The following TNRC18 variants were observed in gnomAD, a reference collection of about 807,000 sequenced individuals.
TNRC18 encodes the protein trinucleotide repeat containing 18, also known as trinucleotide repeat-containing gene 18 protein.
Under a neutral mutation model 226.7 loss-of-function variants are expected in TNRC18, and 69 were observed. That is an observed-to-expected ratio of 0.30 (90% CI 0.25 to 0.37). The LOEUF (loss-of-function observed/expected upper bound fraction) is 0.37. Among genes scored for constraint, TNRC18 ranks in the 10% least tolerant of loss-of-function variants. The pLI, the probability that TNRC18 is intolerant of heterozygous loss-of-function variation, is 1.00. For synonymous variants in TNRC18, 2,449 were observed against 1,927.6 expected (o/e 1.27, Z -7.09); for missense variants, 4,754 against 4,256.6 (o/e 1.12, Z -3.25).
rs750296089 is a variant in TNRC18 at position 5,320,421 on chromosome 7, G to A, written c.6642C>T (p.Ile2214=). The A allele has an allele frequency of 6.4e-6, 10 of 1,561,372 alleles. No individual in the cohort carries two copies. In the Admixed American group the frequency reaches 7.7e-5, roughly 12 times the overall value. ...AGCGAGTGGAGGCTGGCCTCACATC[G>A]ATGATCTAGAAGGGCATGGGATGAG... is the stretch of plus-strand genomic sequence containing the variant. ...CLEQLLQEAI[I]DVRPASTRFL... is the part of the protein sequence containing the mutation. The change falls in exon 24 of 30, where the codon ATC becomes ATT. Residue 2214 remains isoleucine, a synonymous_variant. Transcript: ENST00000430969.
chr7:5,361,993 A>G lies in TNRC18; in HGVS notation c.4436T>C (p.Leu1479Pro), dbSNP rs1240172957. The change falls in exon 13 of 30, where the codon CTG (leucine) becomes CCG (proline). Residue 1479 changes from leucine (L) to proline (P), a missense_variant. Coordinates refer to ENST00000430969, the MANE Select transcript of TNRC18 (RefSeq NM_001080495.3). Reference protein sequence around the residue: ...MKSSLEDMDALELDFRMRLAE... With the variant: ...MKSSLEDMDAPELDFRMRLAE... ...CAGCCGCATCCGGAAGTCCAGCTCC[A>G]GGGCGTCCATGTCCTCCAGGGAGGA... 6.2e-7 allele frequency: 1 copy of G among 1,613,548 alleles called. No individual in the cohort carries two copies. The highest frequency in any genetic ancestry group is 1.7e-5 in the Admixed American group (1 of 59,980).
intron 5 of TNRC18, among the ~76,000 whole-genome samples, chr7:5,382,895 T>C (rs1388514140): frequency 2.0e-5 from 3 of 151,902 alleles, no homozygotes; most frequent in Admixed American, 6.6e-5. Flanking sequence ...ACGGCAACGA[T>C]TGCTTTCTAT....
intron 4 of TNRC18, 135 bp from the exon 5 acceptor site, chr7:5,389,471 T>TTTTTTTTTTTTTGTC: frequency 1.1e-6 from 1 of 923,912 alleles, no homozygotes; most frequent in Non-Finnish European, 1.4e-6. Context: ...GTTTTTTTTT[T>TTTTTTTTTTTTTGTC]CAGAAAGAGT....
chr7:5,364,916 A>G (rs975139566), intron 11 of TNRC18, among the ~76,000 whole-genome samples: 4 of 151,840 alleles, frequency 2.6e-5, no homozygotes, highest in South Asian at 2.1e-4. Context: ...CTACCTCCTC[A>G]TTATGAGCTT....
chr7:5,318,102 C>A (rs1016285218), intron 24 of TNRC18, among the ~76,000 whole-genome samples: 2 of 152,118 alleles, frequency 1.3e-5, no homozygotes, highest in African/African-American at 4.8e-5. Flanking sequence ...AAACTCCTGA[C>A]CTCAGGTGAT....
intron 21 of TNRC18, among the ~76,000 whole-genome samples, chr7:5,323,566 C>A (rs957392807): frequency 4.3e-4 from 13 of 30,406 alleles, no homozygotes; most frequent in Admixed American, 3.8e-4. Context: ...CAGCACCAGA[C>A]AGTTTTTTTT....
In TNRC18 at chr7:5,307,482, G is replaced by A. The variant is rs1464182743; in HGVS notation, c.*624C>T. ...AGGGTTTGGACCAGGGTGGGCCTGT[G>A]CCGGGCCCTCTCCACCTGGTGCCTT... On this transcript the variant is annotated 3_prime_UTR_variant, in exon 30 of 30. Coordinates refer to ENST00000430969, the MANE Select transcript of TNRC18 (RefSeq NM_001080495.3). 1.8e-5 allele frequency: 8 copies of A among 442,206 alleles called. No homozygotes were observed. Among genetic ancestry groups the A allele is most frequent in the East Asian group, 7.3e-5 (1 of 13,652 alleles). The allele number at this position is 442,206 out of a possible 1,614,324, so 27.4% of individuals were successfully genotyped here. A position where few individuals can be genotyped will look rare whatever the true frequency, so the allele number is the denominator to read the frequency against.
In TNRC18 at chr7:5,322,994, A is replaced by C. The variant is rs544543539; in HGVS notation, c.6442+1220T>G. ...TTTCCTCTTAAGCCACGGGTCTGGCAGGATAAACAACACACGCAGAGAGGA... is the reference window on the plus strand; with the variant it reads ...TTTCCTCTTAAGCCACGGGTCTGGCCGGATAAACAACACACGCAGAGAGGA... On this transcript the variant is annotated intron_variant, in intron 21 of 29. Transcript: ENST00000430969. 3.3e-5 allele frequency among the ~76,000 whole-genome samples: 5 copies of C among 152,316 alleles called. No individual in the cohort carries two copies. In the East Asian group the frequency reaches 5.8e-4, roughly 18 times the overall value.
chr7:5,410,860 C>CAAAAA (rs34320785), intron 2 of TNRC18, among the ~76,000 whole-genome samples: 39 of 37,154 alleles, frequency 1.0e-3, no homozygotes, highest in African/African-American at 1.9e-3. Context: ...GACTCCATCT[C>CAAAAA]AAAAAAAAAA....
At chr7:5,413,885 G>A (rs1009873922) in intron 2 of TNRC18, among the ~76,000 whole-genome samples, 1 of 152,092 alleles carries the variant, frequency 6.6e-6, no homozygotes, top group Non-Finnish European at 1.5e-5. Context: ...TCAGAGAAAA[G>A]TTTGAAATAG....
In TNRC18 at chr7:5,306,887, A is replaced by AG. The variant is rs1786567144; in HGVS notation, c.*1218_*1219insC. 1 of 150,972 alleles carries AG rather than the reference A, an allele frequency of 6.6e-6. No individual in the cohort carries two copies. The highest frequency in any genetic ancestry group is 1.5e-5 in the Non-Finnish European group (1 of 67,766). The allele number at this position is 150,972 out of a possible 1,614,324, so 9.4% of individuals were successfully genotyped here. A position where few individuals can be genotyped will look rare whatever the true frequency, so the allele number is the denominator to read the frequency against. ...ATTCCAAAAGAAACATAAAAAAAAA[A>AG]ACCAATAATTCCCCCAAAAAACAAA... On this transcript the variant is annotated 3_prime_UTR_variant, in exon 30 of 30. Coordinates refer to ENST00000430969, the MANE Select transcript of TNRC18 (RefSeq NM_001080495.3).
At position 5,377,637 on chromosome 7, in the gene TNRC18, A is replaced by G; in HGVS notation, c.2256-61T>C. On this transcript the variant is annotated intron_variant, in intron 6 of 29. Transcript: ENST00000430969. The surrounding 1 kb of genome is among the most constrained non-coding windows in gnomAD (Gnocchi z 5.8). ...GACAGCCCAGGGGACGAGAGGGAGA[A>G]GCGGGGTTGCCCCAAGGAACTGTTT... 6.7e-7 allele frequency: 1 copy of G among 1,501,888 alleles called. No individual in the cohort carries two copies. The highest frequency in any genetic ancestry group is 1.2e-5 in the South Asian group (1 of 80,604). 93.0% of individuals were successfully genotyped at this position (1,501,888 alleles called of 1,614,324 possible).
intron 2 of TNRC18, among the ~76,000 whole-genome samples, chr7:5,404,912 A>G (rs1259574732): frequency 1.3e-5 from 2 of 151,756 alleles, no homozygotes; most frequent in Non-Finnish European, 2.9e-5. Context: ...TCAGGAGTTC[A>G]CGACCAGCCT....
At chr7:5,398,067 C>G (rs2082111078) in intron 2 of TNRC18, among the ~76,000 whole-genome samples, 2 of 152,080 alleles carry the variant, frequency 1.3e-5, no homozygotes, top group African/African-American at 4.8e-5. Flanking sequence ...GTGGCTCGAT[C>G]ATAGCTCGCT....
At chr7:5,385,919 G>A (rs899036268) in intron 5 of TNRC18, among the ~76,000 whole-genome samples, 46 of 146,638 alleles carry the variant, frequency 3.1e-4, no homozygotes, top group African/African-American at 1.1e-3. Flanking sequence ...GGAGGCGGAG[G>A]TTGCAGTGAG....
chr7:5,320,132 C>G (rs1055499549), intron 24 of TNRC18, 186 bp downstream of exon 24: 2 of 583,452 alleles, frequency 3.4e-6, no homozygotes, highest in African/African-American at 1.9e-5. Flanking sequence ...ATACTCAGAG[C>G]TGGAGTCCTG....
intron 5 of TNRC18, among the ~76,000 whole-genome samples, chr7:5,386,574 CA>C (rs113287458): frequency 1.4e-3 from 182 of 132,906 alleles, no homozygotes; most frequent in Middle Eastern, 3.8e-3. Flanking sequence ...ACTCTGTCTC[CA>C]AAAAAAAAAA....
At chr7:5,360,286 A>G (rs1433060641) in intron 14 of TNRC18, among the ~76,000 whole-genome samples, 1 of 151,980 alleles carries the variant, frequency 6.6e-6, no homozygotes, top group Non-Finnish European at 1.5e-5. Flanking sequence ...ATGCAGTGCA[A>G]TGGCTCGATT....
chr7:5,332,423 G>C (rs1789619623), intron 19 of TNRC18, among the ~76,000 whole-genome samples, 199 bp downstream of exon 19: 1 of 152,208 alleles, frequency 6.6e-6, no homozygotes, highest in Non-Finnish European at 1.5e-5. Context: ...CAGAGCAAGA[G>C]TTGACTCTTA....
Sources: gnomAD v4.1 joint callset for allele counts (sites outside exome capture counted in the v4.1 genomes callset) on GRCh38, gnomAD v4.1.1 for gene constraint, Gnocchi (gnomAD v3.1) non-coding constraint, MANE v1.5 for transcripts, NCBI Gene and HGNC (gene_info 2026-07-23, HGNC 2026-07-21) for gene names.